Variants in MPPED2 observed in about 807,000 individuals in gnomAD.
MPPED2 encodes metallophosphoesterase domain containing 2.
Under a neutral mutation model 33.0 loss-of-function variants are expected in MPPED2, and 5 were observed. The observed-to-expected ratio is 0.15, with a 90% CI of 0.08 to 0.32. MPPED2 has a LOEUF of 0.32. Ranked by LOEUF, MPPED2 falls within the 10% of genes least tolerant of loss-of-function variation. The pLI is 1.00. For missense variants in MPPED2, 275 were observed against 372.1 expected (o/e 0.74, Z 2.15); for synonymous variants, 136 against 141.9 (o/e 0.96, Z 0.29).
At chr11:30,531,562 G>A (rs1289054443) in intron 3 of MPPED2, among the ~76,000 whole-genome samples, 2 of 152,278 alleles carry the variant, frequency 1.3e-5, no homozygotes, top group East Asian at 1.9e-4. Flanking sequence ...CCAAAAAGAC[G>A]ATATTTCCAG....
At chr11:30,462,149 A>G (rs977773406) in intron 4 of MPPED2, among the ~76,000 whole-genome samples, 1 of 152,170 alleles carries the variant, frequency 6.6e-6, no homozygotes, top group Non-Finnish European at 1.5e-5. Flanking sequence ...AGAAAACAAA[A>G]CTGAAAGTTC....
Position 30,411,127 on chromosome 11 carries a change from A to AT in MPPED2, c.*340dup, listed in dbSNP as rs953637668. 2.7e-4 allele frequency: 263 copies of AT among 987,672 alleles called. No homozygotes were observed. The highest frequency in any genetic ancestry group is 8.4e-4 in the East Asian group (8 of 9,472). The allele number at this position is 987,672 out of a possible 1,614,324, so 61.2% of individuals were successfully genotyped here. The stretch of plus-strand genomic sequence containing the variant: ...GTTTTTAAAACACTGCCTGTTTCTT[A>AT]TTTTTTTTTCTTTCAGCTTAAAGCA... On this transcript the variant is annotated 3_prime_UTR_variant, in exon 7 of 7. Transcript: ENST00000358117.
At chr11:30,462,925 A>G (rs191921174) in intron 4 of MPPED2, among the ~76,000 whole-genome samples, 19 of 152,352 alleles carry the variant, frequency 1.2e-4, no homozygotes, top group Non-Finnish European at 2.4e-4. Flanking sequence ...AAAGGGTCAT[A>G]CAGAAGGGGA....
chr11:30,473,509 G>A (rs1271215016), intron 4 of MPPED2, among the ~76,000 whole-genome samples: 1 of 152,098 alleles, frequency 6.6e-6, no homozygotes, highest in Admixed American at 6.6e-5. Context: ...CCACTATGAT[G>A]GGCAGCCTCT....
At chr11:30,415,022 G>A (rs1019815371) in intron 5 of MPPED2, among the ~76,000 whole-genome samples, 6 of 152,188 alleles carry the variant, frequency 3.9e-5, no homozygotes, top group Non-Finnish European at 8.8e-5. Flanking sequence ...GCAAAAGTCA[G>A]CTATCTGGAT....
chr11:30,483,741 C>T (rs1264263318), intron 4 of MPPED2, among the ~76,000 whole-genome samples: 1 of 152,008 alleles, frequency 6.6e-6, no homozygotes, highest in African/African-American at 2.4e-5. Context: ...CTGTCTTTGA[C>T]AATCCTCTTT....
chr11:30,539,553 C>T (rs924210225), intron 2 of MPPED2, among the ~76,000 whole-genome samples: 3 of 152,162 alleles, frequency 2.0e-5, no homozygotes, highest in Non-Finnish European at 4.4e-5. Context: ...ACATCTGAAT[C>T]TCCTCTATCC....
chr11:30,397,456 A>G (rs1267920458), intron 6 of MPPED2, among the ~76,000 whole-genome samples: 1 of 152,136 alleles, frequency 6.6e-6, no homozygotes, highest in Non-Finnish European at 1.5e-5. Context: ...TTAGGACTCA[A>G]TTATCTAATT....
rs527295584 is a variant in MPPED2, at chr11:30,580,483, C to G, written c.-110G>C. The G allele has an allele frequency of 5.1e-5, 75 of 1,464,702 alleles. No individual in the cohort carries two copies. Among genetic ancestry groups the G allele is most frequent in the Non-Finnish European group, 6.8e-5 (75 of 1,103,472 alleles). The allele number at this position is 1,464,702 out of a possible 1,614,324, so 90.7% of individuals were successfully genotyped here. On this transcript the variant is annotated 5_prime_UTR_variant, in exon 2 of 7. Transcript: ENST00000358117. Reference sequence around the variant, plus strand: ...AATCCAAGGATCTACTCATCAATACCGCTGTGCATTTCTGAAAGAAAAAAA... The same window carrying G: ...AATCCAAGGATCTACTCATCAATACGGCTGTGCATTTCTGAAAGAAAAAAA...
At chr11:30,568,914 G>T (rs1173020291) in intron 2 of MPPED2, among the ~76,000 whole-genome samples, 1 of 151,958 alleles carries the variant, frequency 6.6e-6, no homozygotes, top group African/African-American at 2.4e-5. Context: ...CTCCCAAAAG[G>T]GCTCATTTTT....
intron 3 of MPPED2, among the ~76,000 whole-genome samples, chr11:30,502,773 A>C (rs1003573995): frequency 6.6e-6 from 1 of 152,224 alleles, no homozygotes; most frequent in African/African-American, 2.4e-5. Context: ...CATGTGCATC[A>C]GCATTTTAAA....
chr11:30,537,761 T>C (rs1485831597), intron 2 of MPPED2, among the ~76,000 whole-genome samples: 1 of 152,162 alleles, frequency 6.6e-6, no homozygotes, highest in Non-Finnish European at 1.5e-5. Context: ...CCGCAAAAAA[T>C]TAATGGATTT....
At chr11:30,528,904 T>A (rs1383133365) in intron 3 of MPPED2, among the ~76,000 whole-genome samples, 3 of 152,206 alleles carry the variant, frequency 2.0e-5, no homozygotes, top group African/African-American at 4.8e-5. Flanking sequence ...AATACATAAT[T>A]TTTTAAAAAT....
chr11:30,523,376 CG>C (rs1953979991), intron 3 of MPPED2, among the ~76,000 whole-genome samples: 3 of 152,150 alleles, frequency 2.0e-5, no homozygotes, highest in Admixed American at 2.0e-4. Flanking sequence ...CCAAATGCCA[CG>C]TTGGTATAAG....
intron 4 of MPPED2, chr11:30,441,143 T>G (rs897073671): frequency 6.6e-6 from 1 of 152,066 alleles, no homozygotes; most frequent in African/African-American, 2.4e-5. Flanking sequence ...AGAAATCACA[T>G]TTTTCCACAT....
intron 2 of MPPED2, among the ~76,000 whole-genome samples, chr11:30,568,324 A>T (rs1956537002): frequency 6.6e-6 from 1 of 152,070 alleles, no homozygotes; most frequent in African/African-American, 2.4e-5. Flanking sequence ...GCTTAGCAAC[A>T]GTCACTCTAT....
At chr11:30,401,911 A>G (rs1482150780) in intron 6 of MPPED2, among the ~76,000 whole-genome samples, 1 of 148,604 alleles carries the variant, frequency 6.7e-6, no homozygotes, top group Non-Finnish European at 1.5e-5. Flanking sequence ...GTTAGCCAGG[A>G]TGGTCTCGAT....
chr11:30,408,235 G>A (rs377463102), downstream of MPPED2, among the ~76,000 whole-genome samples: 48 of 152,330 alleles, frequency 3.2e-4, 1 homozygote, highest in South Asian at 8.3e-3. Context: ...TGCCATGTAC[G>A]GCTGTCAAAG....
At chr11:30,541,404 T>C (rs990232912) in intron 2 of MPPED2, among the ~76,000 whole-genome samples, 1 of 152,180 alleles carries the variant, frequency 6.6e-6, no homozygotes, top group African/African-American at 2.4e-5. Context: ...AAAGCTGTCA[T>C]GTGGTTTGTT....
Sources: gnomAD v4.1 joint callset for allele counts (sites outside exome capture counted in the v4.1 genomes callset) on GRCh38, gnomAD v4.1.1 for gene constraint, MANE v1.5 for transcripts, NCBI Gene and HGNC (gene_info 2026-07-23, HGNC 2026-07-21) for gene names.